KCNG4: variants seen among roughly 807,000 people sequenced by gnomAD.
KCNG4 encodes the protein voltage-gated potassium channel regulatory subunit KCNG4.
KCNG4 carries 30 observed loss-of-function variants against 28.2 expected under a neutral mutation model. The observed-to-expected ratio is 1.06, with a 90% confidence interval of 0.80 to 1.44. The LOEUF is 1.44. Among genes scored for constraint, KCNG4 ranks in the 40% most tolerant of loss-of-function variants. The probability of loss-of-function intolerance (pLI) is 0.00; values close to 1 mark genes in which losing one functional copy is unlikely to be tolerated. For synonymous variants in KCNG4, 375 were observed against 315.5 expected (o/e 1.19, Z -2.00); for missense variants, 879 against 712.3 (o/e 1.23, Z -2.66).
chr16:84,221,130 C>T lies in KCNG4; in HGVS notation c.*1087G>A, dbSNP rs528643042. ...TCCTCCCCTGGATGCAAAGGACAGA[C>T]TCTGTTCACAGATGAATGCAGAAAT... On this transcript the variant is annotated 3_prime_UTR_variant, in exon 3 of 3. Transcript: ENST00000308251. 1 of 152,434 alleles carries T rather than the reference C, an allele frequency of 6.6e-6. No homozygotes were observed. Among genetic ancestry groups the T allele is most frequent in the South Asian group, 2.1e-4 (1 of 4,836 alleles). 9.4% of individuals were successfully genotyped at this position (152,434 alleles called of 1,614,324 possible).
At chr16:84,232,815 C>G (rs866990022) in intron 2 of KCNG4, among the ~76,000 whole-genome samples, 1 of 146,668 alleles carries the variant, frequency 6.8e-6, no homozygotes, top group Middle Eastern at 3.6e-3. Context: ...GGGAGGATTG[C>G]TTGAACCTGT....
rs760708705 is a variant in KCNG4, at chr16:84,237,454, T to TGCAGGCCCCCGTCTCTGGAAG, written c.11_31dup (p.Pro4_Leu10dup). 5.3e-6 allele frequency: 8 copies of TGCAGGCCCCCGTCTCTGGAAG among 1,502,266 alleles called. No homozygotes were observed. In the African/African-American group the frequency reaches 9.8e-5, roughly 18 times the overall value. The allele number at this position is 1,502,266 out of a possible 1,614,324, so 93.1% of individuals were successfully genotyped here. Reference sequence around the variant, plus strand: ...GGAACCATAGTGGTGGTGTCTGGGATGCAGGCCCCCGTCTCTGGAAGGCAT... The same window carrying TGCAGGCCCCCGTCTCTGGAAG: ...GGAACCATAGTGGTGGTGTCTGGGATGCAGGCCCCCGTCTCTGGAAGGCAGGCCCCCGTCTCTGGAAGGCAT... On this transcript the variant is annotated inframe_insertion, in exon 2 of 3. Coordinates refer to ENST00000308251, the MANE Select transcript of KCNG4 (RefSeq NM_172347.3).
At chr16:84,238,065 C>A (rs1905017965) in intron 1 of KCNG4, among the ~76,000 whole-genome samples, 1 of 152,150 alleles carries the variant, frequency 6.6e-6, no homozygotes, top group Admixed American at 6.5e-5. Context: ...ATGACTGGGG[C>A]AGTCTGAGTG....
chr16:84,222,547 C>G lies in KCNG4; in HGVS notation c.1230G>C (p.Trp410Cys), dbSNP rs1186155172. Residue 410 changes from tryptophan (W) to cysteine (C), a missense_variant, in exon 3 of 3, where the codon TGG becomes TGC. By Grantham distance (215) the Trp-to-Cys change is radical (BLOSUM62 -2). Coordinates refer to ENST00000308251, the MANE Select transcript of KCNG4 (RefSeq NM_172347.3). ...CCGTTGTCATGGAGATGATGGCCCA[C>G]CAATAGGAGGCGGGGATGCTGGTGA... ...LEFTSIPASY[W>C]WAIISMTTVG... is the part of the protein sequence containing the mutation. 6.2e-7 allele frequency: 1 copy of G among 1,613,602 alleles called. No individual in the cohort carries two copies. Among genetic ancestry groups the G allele is most frequent in the Admixed American group, 1.7e-5 (1 of 60,024 alleles).
Position 84,222,494 on chromosome 16 carries a change from C to T in KCNG4, c.1283G>A (p.Ser428Asn). The change falls in exon 3 of 3, where the codon AGT becomes AAT. Residue 428 changes from serine (S) to asparagine (N), a missense_variant. Ser to Asn is a conservative substitution (Grantham distance 46). Coordinates refer to ENST00000308251, the MANE Select transcript of KCNG4 (RefSeq NM_172347.3). ...TVGYGDMVPR[S>N]VPGQMVALSS... ...GAGGGCCACCATCTGGCCTGGCACA[C>T]TGCGGGGCACCATGTCCCCGTAGCC... is the stretch of plus-strand genomic sequence containing the variant. 1.2e-6 allele frequency: 2 copies of T among 1,613,566 alleles called. No homozygotes were observed. Among genetic ancestry groups the T allele is most frequent in the Non-Finnish European group, 1.7e-6 (2 of 1,179,806 alleles).
At position 84,222,229 on chromosome 16, in the gene KCNG4, G is replaced by C. The variant is rs769392799; in HGVS notation, c.1548C>G (p.Ile516Met). 2 of 1,614,046 alleles carry C rather than the reference G, an allele frequency of 1.2e-6. No individual in the cohort carries two copies. The highest frequency in any genetic ancestry group is 2.2e-5 in the South Asian group (2 of 91,032). The change falls in exon 3 of 3, where the codon ATC becomes ATG. Residue 516 changes from isoleucine to methionine, a missense_variant. By Grantham distance (10) the Ile-to-Met change is conservative. Coordinates refer to ENST00000308251, the MANE Select transcript of KCNG4 (RefSeq NM_172347.3). ...DLILEGPALPIMHM is the reference protein window; with the variant it reads ...DLILEGPALPMMHM Reference sequence around the variant, plus strand: ...GGGGGGTGCTGAGTTACATGTGCATGATAGGCAAGGCTGGGCCCTCCAGGA... The same window carrying C: ...GGGGGGTGCTGAGTTACATGTGCATCATAGGCAAGGCTGGGCCCTCCAGGA...
chr16:84,229,040 T>C (rs753069286), intron 2 of KCNG4, among the ~76,000 whole-genome samples: 30 of 152,156 alleles, frequency 2.0e-4, no homozygotes, highest in Non-Finnish European at 3.8e-4. Context: ...GGCTCACGCC[T>C]GTAATCCCAG....
At chr16:84,238,179 C>T (rs1305158761) in intron 1 of KCNG4, among the ~76,000 whole-genome samples, 2 of 152,200 alleles carry the variant, frequency 1.3e-5, no homozygotes, top group Non-Finnish European at 2.9e-5. Context: ...TCCCCTAACT[C>T]ACCTCAACAA....
intron 1 of KCNG4, among the ~76,000 whole-genome samples, chr16:84,239,025 C>T (rs1025453362): frequency 1.3e-5 from 2 of 152,202 alleles, no homozygotes; most frequent in African/African-American, 4.8e-5. Flanking sequence ...GATCCTGCAA[C>T]CATTTCTTAT....
Position 84,237,523 on chromosome 16 carries a change from A to G in KCNG4, c.-38T>C. ...CCAGGTAGGAAGCGCTGGGTTTACC[A>G]GTCTGACACCCAAGGGACAAAGAGC... On this transcript the variant is annotated splice_region_variant and 5_prime_UTR_variant, in exon 2 of 3. Coordinates refer to ENST00000308251, the MANE Select transcript of KCNG4 (RefSeq NM_172347.3). The G allele has an allele frequency of 6.9e-7, 1 of 1,451,422 alleles. No individual in the cohort carries two copies. Among genetic ancestry groups the G allele is most frequent in the Non-Finnish European group, 9.1e-7 (1 of 1,102,864 alleles). The allele number at this position is 1,451,422 out of a possible 1,614,324, so 89.9% of individuals were successfully genotyped here.
At position 84,222,323 on chromosome 16, in the gene KCNG4, C is replaced by G; in HGVS notation, c.1454G>C (p.Ser485Thr). The G allele has an allele frequency of 1.2e-6, 2 of 1,614,154 alleles. No individual in the cohort carries two copies. The highest frequency in any genetic ancestry group is 1.7e-6 in the Non-Finnish European group (2 of 1,180,016). Residue 485 changes from serine to threonine, a missense_variant, in exon 3 of 3, where the codon AGT (serine) becomes ACT (threonine). By Grantham distance (58) the Ser-to-Thr change is moderately conservative. Transcript: ENST00000308251. ...ATGGGGGTCCAGGAGTTCACATTCA[C>G]TGGCTGGACCGGTGTTTTGGAGGTG... ...LRHLQNTGPA[S>T]ECELLDPHVA...
At chr16:84,232,415 G>C (rs1326710098) in intron 2 of KCNG4, among the ~76,000 whole-genome samples, 3 of 152,216 alleles carry the variant, frequency 2.0e-5, no homozygotes, top group Admixed American at 6.5e-5. Flanking sequence ...GTGATTGCCA[G>C]GGGCTGGTGG....
chr16:84,235,444 G>GA (rs1451631688), intron 2 of KCNG4: 1 of 152,080 alleles, frequency 6.6e-6, no homozygotes, highest in East Asian at 1.9e-4. Context: ...GCTGTAGAAT[G>GA]AAAAAATGCC....
intron 2 of KCNG4, among the ~76,000 whole-genome samples, chr16:84,228,188 A>G (rs1904739696): frequency 6.6e-6 from 1 of 152,162 alleles, no homozygotes; most frequent in South Asian, 2.1e-4. Flanking sequence ...CCAGTTCTGG[A>G]AGCTCCATCT....
chr16:84,223,045 C>T (rs377647788), intron 2 of KCNG4, 25 bp from the exon 3 acceptor site: 93 of 1,504,670 alleles, frequency 6.2e-5, no homozygotes, highest in African/African-American at 9.8e-5. Context: ...GGCAACAACG[C>T]GGGGTAGAGA....
intron 2 of KCNG4, among the ~76,000 whole-genome samples, chr16:84,232,896 C>CAAAA (rs60683135): frequency 0.082 from 8,823 of 107,650 alleles, 445 homozygotes; most frequent in Admixed American, 0.092. Flanking sequence ...GAAACCCTAT[C>CAAAA]AAAAAAAAAA....
intron 2 of KCNG4, among the ~76,000 whole-genome samples, chr16:84,227,909 G>A (rs928913446): frequency 6.6e-6 from 1 of 152,146 alleles, no homozygotes; most frequent in Non-Finnish European, 1.5e-5. Flanking sequence ...GTGGGTGTCC[G>A]GGGCTGGATG....
At chr16:84,229,088 A>T (rs1310225689) in intron 2 of KCNG4, among the ~76,000 whole-genome samples, 1 of 152,076 alleles carries the variant, frequency 6.6e-6, no homozygotes, top group Non-Finnish European at 1.5e-5. Flanking sequence ...CACTTGAGGC[A>T]AGGGAGTTTG....
At chr16:84,228,708 C>T (rs925795424) in intron 2 of KCNG4, among the ~76,000 whole-genome samples, 9 of 152,226 alleles carry the variant, frequency 5.9e-5, no homozygotes, top group African/African-American at 1.2e-4. Context: ...TCAGCCCCAC[C>T]ATGGGACCTG....
Sources: allele counts gnomAD v4.1 joint callset (sites outside exome capture counted in the v4.1 genomes callset), GRCh38; gene constraint gnomAD v4.1.1; transcripts MANE v1.5; gene names NCBI Gene and HGNC (gene_info 2026-07-23, HGNC 2026-07-21).